Variants in DPYD observed in about 807,000 individuals in gnomAD.
DPYD encodes dihydropyrimidine dehydrogenase, also known as dihydropyrimidine dehydrogenase [NADP(+)].
A neutral mutation model predicts 116.2 loss-of-function variants in DPYD; 109 were observed. The observed-to-expected ratio is 0.94, with a 90% CI of 0.80 to 1.10. DPYD has a LOEUF of 1.10. Ranked by LOEUF, DPYD falls within the 50% of genes least tolerant of loss-of-function variation. DPYD has a pLI of 0.00. For synonymous variants in DPYD, 440 were observed against 432.0 expected, an observed-to-expected ratio of 1.02 and a Z score of -0.23; for missense variants, 1,302 against 1,254.5, an observed-to-expected ratio of 1.04 and a Z score of -0.57.
intron 3 of DPYD, among the ~76,000 whole-genome samples, chr1:97,761,477 G>A (rs983038370): frequency 6.6e-6 from 1 of 152,022 alleles, no homozygotes; most frequent in East Asian, 1.9e-4. Context: ...AAATTCTAAA[G>A]ATAGAAAATC....
chr1:97,226,262 C>G (rs1661153476), intron 19 of DPYD, among the ~76,000 whole-genome samples: 1 of 152,102 alleles, frequency 6.6e-6, no homozygotes, highest in Admixed American at 6.5e-5. Flanking sequence ...CCATATATCA[C>G]AAGCATGCAG....
intron 20 of DPYD, among the ~76,000 whole-genome samples, chr1:97,166,119 T>A (rs935898800): frequency 2.0e-5 from 3 of 152,136 alleles, no homozygotes; most frequent in Non-Finnish European, 2.9e-5. Context: ...ACCATAAAGA[T>A]ACGTGTCCAC....
intron 16 of DPYD, among the ~76,000 whole-genome samples, chr1:97,345,859 C>T (rs75717834): frequency 1.6e-3 from 247 of 151,938 alleles, no homozygotes; most frequent in Admixed American, 3.9e-3. Flanking sequence ...TAGAAGTACA[C>T]AAACAATATT....
At chr1:97,298,265 T>C (rs1666648684) in intron 18 of DPYD, among the ~76,000 whole-genome samples, 1 of 152,196 alleles carries the variant, frequency 6.6e-6, no homozygotes, top group South Asian at 2.1e-4. Flanking sequence ...TTGTTAGCAG[T>C]GTACATTCTG....
chr1:97,296,514 G>A (rs1666540617), intron 18 of DPYD, among the ~76,000 whole-genome samples: 1 of 151,952 alleles, frequency 6.6e-6, no homozygotes, highest in African/African-American at 2.4e-5. Flanking sequence ...AAAGCCATAT[G>A]TTTCTCATTA....
chr1:97,642,344 C>CT (rs1657966197), intron 8 of DPYD, among the ~76,000 whole-genome samples: 1 of 152,086 alleles, frequency 6.6e-6, no homozygotes, highest in African/African-American at 2.4e-5. Context: ...TCAAACTATA[C>CT]TACAGGGCTA....
chr1:97,850,047 A>G (rs1201534893), intron 2 of DPYD, among the ~76,000 whole-genome samples: 1 of 152,218 alleles, frequency 6.6e-6, no homozygotes, highest in African/African-American at 2.4e-5. Context: ...AACACAAGCA[A>G]TGGAAAGGAA....
At chr1:97,323,561 A>G (rs188946008) in intron 16 of DPYD, among the ~76,000 whole-genome samples, 4 of 110,178 alleles carry the variant, frequency 3.6e-5, no homozygotes, top group African/African-American at 1.4e-4. Context: ...ATATATGTGT[A>G]TATATACACG....
intron 5 of DPYD, among the ~76,000 whole-genome samples, chr1:97,705,223 C>T (rs1285466010): frequency 1.3e-5 from 2 of 151,852 alleles, no homozygotes; most frequent in African/African-American, 2.4e-5. Context: ...TGTTGGTGTG[C>T]TGCACCCATT....
chr1:97,668,775 T>A (rs1659703259), intron 8 of DPYD, among the ~76,000 whole-genome samples: 1 of 151,984 alleles, frequency 6.6e-6, no homozygotes, highest in South Asian at 2.1e-4. Context: ...ACTACAGTAT[T>A]CTAGGAATGA....
At chr1:97,239,258 T>A (rs760478957) in intron 18 of DPYD, among the ~76,000 whole-genome samples, 2 of 152,176 alleles carry the variant, frequency 1.3e-5, no homozygotes, top group Non-Finnish European at 2.9e-5. Flanking sequence ...ATTAAGTTAA[T>A]CAATCTGATT....
At chr1:97,605,180 T>C (rs957710053) in intron 8 of DPYD, among the ~76,000 whole-genome samples, 1 of 152,100 alleles carries the variant, frequency 6.6e-6, no homozygotes, top group African/African-American at 2.4e-5. Context: ...GTAAGAATAT[T>C]GGGTCCAGTG....
At chr1:97,110,547 G>A (rs753199528) in intron 20 of DPYD, among the ~76,000 whole-genome samples, 8 of 152,120 alleles carry the variant, frequency 5.3e-5, no homozygotes, top group Non-Finnish European at 8.8e-5. Flanking sequence ...ATACTTTAGC[G>A]TCTGTCATCC....
chr1:97,740,098 G>A (rs1186894300), intron 4 of DPYD, among the ~76,000 whole-genome samples: 1 of 152,038 alleles, frequency 6.6e-6, no homozygotes, highest in African/African-American at 2.4e-5. Flanking sequence ...TTGTCTATTA[G>A]TATTTAGCAA....
intron 2 of DPYD, among the ~76,000 whole-genome samples, chr1:97,879,463 G>A (rs7524038): frequency 0.74 from 112,789 of 151,694 alleles, 42,269 homozygotes; most frequent in East Asian, 0.93. Flanking sequence ...AAAAATGAGT[G>A]CAAAATATTT....
At chr1:97,605,133 T>C (rs1232472990) in intron 8 of DPYD, among the ~76,000 whole-genome samples, 1 of 152,118 alleles carries the variant, frequency 6.6e-6, no homozygotes, top group Non-Finnish European at 1.5e-5. Flanking sequence ...TACATACCTG[T>C]TCATAAAAGA....
chr1:97,749,629 T>C (rs1571296087), intron 3 of DPYD, among the ~76,000 whole-genome samples: 2 of 152,296 alleles, frequency 1.3e-5, no homozygotes, highest in East Asian at 3.9e-4. Context: ...AGAATAGTTA[T>C]GCATTTAGTT....
chr1:97,188,260 CA>C (rs1234163001), intron 20 of DPYD, among the ~76,000 whole-genome samples: 1 of 152,052 alleles, frequency 6.6e-6, no homozygotes, highest in Non-Finnish European at 1.5e-5. Context: ...TTATTAATAT[CA>C]CCAATATGTA....
intron 13 of DPYD, among the ~76,000 whole-genome samples, chr1:97,486,661 T>C (rs1056918978): frequency 1.3e-5 from 2 of 152,154 alleles, no homozygotes; most frequent in Admixed American, 1.3e-4. Flanking sequence ...GCTATCCAAA[T>C]CAAATTTTAT....
Sources: allele counts gnomAD v4.1 joint callset (sites outside exome capture counted in the v4.1 genomes callset), GRCh38; gene constraint gnomAD v4.1.1; transcripts MANE v1.5; gene names NCBI Gene and HGNC (gene_info 2026-07-23, HGNC 2026-07-21).